NALF1: variants seen among roughly 807,000 people sequenced by gnomAD.
The protein encoded by NALF1 is family with sequence similarity 155 member A.
Under a neutral mutation model 48.4 loss-of-function variants are expected in NALF1, and 3 were observed. The ratio of observed to expected loss-of-function variants is 0.06; its 90% CI spans 0.03 to 0.16. NALF1 has a LOEUF of 0.16. NALF1 is among the 10% of genes least tolerant of loss of function. The probability of loss-of-function intolerance (pLI) is 1.00; values close to 1 mark genes in which losing one functional copy is unlikely to be tolerated. For missense variants in NALF1, 526 were observed against 571.5 expected, an observed-to-expected ratio of 0.92 and a Z score of 0.81; for synonymous variants, 262 against 245.7, an observed-to-expected ratio of 1.07 and a Z score of -0.62.
chr13:107,394,164 C>T (rs1212522577), intron 1 of NALF1, among the ~76,000 whole-genome samples: 1 of 152,108 alleles, frequency 6.6e-6, no homozygotes, highest in Non-Finnish European at 1.5e-5. Flanking sequence ...TAATAAGTTA[C>T]TATTTTAGTG....
chr13:107,687,521 T>C (rs1881464701), intron 1 of NALF1, among the ~76,000 whole-genome samples: 1 of 106,104 alleles, frequency 9.4e-6, no homozygotes, highest in African/African-American at 3.3e-5. Flanking sequence ...CACACACACA[T>C]CACCTGGGAG....
intron 1 of NALF1, among the ~76,000 whole-genome samples, chr13:107,553,725 G>T (rs1437684807): frequency 6.6e-6 from 1 of 152,154 alleles, no homozygotes; most frequent in African/African-American, 2.4e-5. Context: ...CAAATAATTA[G>T]TTAAGTCACT....
intron 1 of NALF1, among the ~76,000 whole-genome samples, chr13:107,815,884 A>G (rs1879148221): frequency 2.6e-5 from 4 of 152,198 alleles, no homozygotes; most frequent in Non-Finnish European, 5.9e-5. Flanking sequence ...ACAAAGGACC[A>G]CACATACTGT....
chr13:107,377,988 C>CT (rs1566316959), intron 1 of NALF1, among the ~76,000 whole-genome samples: 2 of 152,152 alleles, frequency 1.3e-5, no homozygotes, highest in Non-Finnish European at 2.9e-5. Context: ...AGTTCTCTCC[C>CT]TTTGAGCTCT....
chr13:107,490,923 C>T (rs1344677448), intron 1 of NALF1, among the ~76,000 whole-genome samples: 20 of 152,188 alleles, frequency 1.3e-4, no homozygotes, highest in Admixed American at 1.3e-3. Flanking sequence ...AACAAGGACA[C>T]CTGTGCCCCT....
chr13:107,468,139 T>C (rs1426132508), intron 1 of NALF1, among the ~76,000 whole-genome samples: 2 of 151,924 alleles, frequency 1.3e-5, no homozygotes, highest in African/African-American at 4.8e-5. Flanking sequence ...TTTTCTGCCA[T>C]GGAAAGGCAC....
At chr13:107,699,647 T>C (rs1881775947) in intron 1 of NALF1, among the ~76,000 whole-genome samples, 1 of 152,112 alleles carries the variant, frequency 6.6e-6, no homozygotes. Flanking sequence ...CTATTCAACA[T>C]AGTACTGGAA....
chr13:107,449,860 A>G (rs912977734), intron 1 of NALF1, among the ~76,000 whole-genome samples: 3 of 152,208 alleles, frequency 2.0e-5, no homozygotes, highest in African/African-American at 7.2e-5. Context: ...TTAAGGAAAC[A>G]GAGTCACACA....
chr13:107,388,141 A>G (rs1325492330), intron 1 of NALF1, among the ~76,000 whole-genome samples: 1 of 152,234 alleles, frequency 6.6e-6, no homozygotes, highest in Non-Finnish European at 1.5e-5. Flanking sequence ...TCAGAGGCAT[A>G]ACAGAATGTT....
At chr13:107,693,166 T>C (rs1358015964) in intron 1 of NALF1, among the ~76,000 whole-genome samples, 2 of 152,138 alleles carry the variant, frequency 1.3e-5, no homozygotes, top group Non-Finnish European at 2.9e-5. Context: ...ATCTGTTGTT[T>C]CCTGCAGGGA....
At chr13:107,222,087 G>A (rs760492672) in intron 1 of NALF1, among the ~76,000 whole-genome samples, 1 of 152,110 alleles carries the variant, frequency 6.6e-6, no homozygotes, top group African/African-American at 2.4e-5. Flanking sequence ...ATTAACACAA[G>A]CTTGAAACCC....
rs535685436 is a variant in NALF1, at chr13:107,657,120, G to T, written c.915+208562C>A. Among the ~76,000 whole-genome samples, 140 of 151,756 alleles carry T rather than the reference G, an allele frequency of 9.2e-4. 1 individual carries two copies. The highest frequency in any genetic ancestry group is 6.8e-3 in the Middle Eastern group (2 of 294). The stretch of plus-strand genomic sequence containing the variant: ...CAAAATCTCAGAAATCACAGCTAAA[G>T]AACTTATTCATGCAACCAAACAATA... On this transcript the variant is annotated intron_variant, in intron 1 of 2. Transcript: ENST00000375915.
chr13:107,474,912 C>G lies in NALF1; in HGVS notation c.916-264157G>C, dbSNP rs1339415582. The stretch of plus-strand genomic sequence containing the variant: ...TCATATGCTTTCCTTCTTTCAGGGT[C>G]CCTAATTTCATACCAGTTTGAAAGC... On this transcript the variant is annotated intron_variant, in intron 1 of 2. Coordinates refer to ENST00000375915, the MANE Select transcript of NALF1 (RefSeq NM_001080396.3). Among the ~76,000 whole-genome samples, 5 of 152,208 alleles carry G rather than the reference C, an allele frequency of 3.3e-5. No homozygotes were observed. In the South Asian group the frequency reaches 8.3e-4, roughly 25 times the overall value.
At chr13:107,265,228 G>T (rs141548020) in intron 1 of NALF1, among the ~76,000 whole-genome samples, 1,726 of 152,020 alleles carry the variant, frequency 0.011, 25 homozygotes, top group Middle Eastern at 0.041. Flanking sequence ...ACTTTCTATT[G>T]AGTTGCTTGT....
At chr13:107,553,279 GA>G (rs1877351565) in intron 1 of NALF1, among the ~76,000 whole-genome samples, 1 of 152,066 alleles carries the variant, frequency 6.6e-6, no homozygotes, top group Admixed American at 6.6e-5. Context: ...TCACATTTCA[GA>G]AAAATCACAT....
intron 1 of NALF1, among the ~76,000 whole-genome samples, chr13:107,593,733 G>T (rs776171249): frequency 1.3e-5 from 2 of 150,802 alleles, no homozygotes; most frequent in Non-Finnish European, 3.0e-5. Flanking sequence ...TAAAACAACC[G>T]TTTAATGCTA....
chr13:107,523,431 T>C (rs1403098136), intron 1 of NALF1, among the ~76,000 whole-genome samples: 1 of 152,090 alleles, frequency 6.6e-6, no homozygotes, highest in Non-Finnish European at 1.5e-5. Flanking sequence ...TGCAGGTTTG[T>C]TACATATGTA....
chr13:107,604,132 C>T (rs1460742668), intron 1 of NALF1, among the ~76,000 whole-genome samples: 1 of 152,066 alleles, frequency 6.6e-6, no homozygotes, highest in Non-Finnish European at 1.5e-5. Flanking sequence ...ATATTAATAC[C>T]GTTCCTCCCC....
chr13:107,305,093 CT>C (rs1881909618), intron 1 of NALF1, among the ~76,000 whole-genome samples: 1 of 152,172 alleles, frequency 6.6e-6, no homozygotes, highest in African/African-American at 2.4e-5. Flanking sequence ...CTGCTTACTC[CT>C]TATAGTCATA....
Sources: gnomAD v4.1 joint callset for allele counts (sites outside exome capture counted in the v4.1 genomes callset) on GRCh38, gnomAD v4.1.1 for gene constraint, MANE v1.5 for transcripts, NCBI Gene and HGNC (gene_info 2026-07-23, HGNC 2026-07-21) for gene names.